Variants in AFF3 observed in about 807,000 individuals in gnomAD.
AFF3 encodes ALF transcription elongation factor 3, also known as AF4/FMR2 family member 3.
AFF3 carries 32 observed loss-of-function variants against 129.7 expected under a neutral mutation model. The ratio of observed to expected loss-of-function variants is 0.25; its 90% CI spans 0.19 to 0.33. The LOEUF is 0.33. Among genes scored for constraint, AFF3 ranks in the 10% least tolerant of loss-of-function variants. The probability of loss-of-function intolerance (pLI) is 1.00; values close to 1 mark genes in which losing one functional copy is unlikely to be tolerated. For missense variants in AFF3, 1,373 were observed against 1,592.0 expected (o/e 0.86, Z 2.34); for synonymous variants, 644 against 635.4 (o/e 1.01, Z -0.20).
At chr2:99,646,814 A>C (rs1331116757) in intron 13 of AFF3, among the ~76,000 whole-genome samples, 1 of 152,240 alleles carries the variant, frequency 6.6e-6, no homozygotes, top group South Asian at 2.1e-4. Flanking sequence ...CTACTTAAAA[A>C]CTAGAAAATA....
At chr2:99,620,194 G>T (rs1681855642) in intron 13 of AFF3, among the ~76,000 whole-genome samples, 1 of 152,210 alleles carries the variant, frequency 6.6e-6, no homozygotes, top group South Asian at 2.1e-4. Flanking sequence ...CTAGGAACCT[G>T]CACACCAGGG....
intron 18 of AFF3, among the ~76,000 whole-genome samples, chr2:99,571,914 T>C (rs1032576990): frequency 6.6e-5 from 10 of 152,210 alleles, no homozygotes; most frequent in African/African-American, 2.2e-4. Flanking sequence ...GTGACAGTTA[T>C]AGAATATAAT....
chr2:99,856,194 C>G (rs1690510573), intron 7 of AFF3, among the ~76,000 whole-genome samples: 1 of 152,098 alleles, frequency 6.6e-6, no homozygotes, highest in Non-Finnish European at 1.5e-5. Context: ...AAAATATTGA[C>G]TTTACTTAAT....
rs915981744 is a variant in AFF3 at position 99,568,625 on chromosome 2, A to G, written c.2982+227T>C. 5.2e-4 allele frequency among the ~76,000 whole-genome samples: 79 copies of G among 152,230 alleles called. 1 individual carries two copies. Among genetic ancestry groups the G allele is most frequent in the Non-Finnish European group, 7.8e-4 (53 of 68,030 alleles). On this transcript the variant is annotated intron_variant, in intron 19 of 24. Transcript: ENST00000672756. ...TAGTTACTATTCAAACCTTAGGACT[A>G]AATTGAAATATTCATTTGTCTAGGG... is the stretch of plus-strand genomic sequence containing the variant.
chr2:100,115,674 A>G (rs1053709609), intron 2 of AFF3, among the ~76,000 whole-genome samples: 1 of 152,132 alleles, frequency 6.6e-6, no homozygotes, highest in Non-Finnish European at 1.5e-5. Flanking sequence ...TACTGATATG[A>G]TGTCTGATGT....
intron 21 of AFF3, 101 bp downstream of exon 21, chr2:99,560,264 G>T: frequency 7.7e-7 from 1 of 1,297,448 alleles, no homozygotes; most frequent in Non-Finnish European, 1.1e-6. Flanking sequence ...GGCTTTGTAT[G>T]TTAGAAGACA....
At chr2:99,762,106 TTATA>T (rs1454108465) in intron 8 of AFF3, among the ~76,000 whole-genome samples, 1 of 151,510 alleles carries the variant, frequency 6.6e-6, no homozygotes, top group Non-Finnish European at 1.5e-5. Context: ...TACCCTCCAC[TTATA>T]TATAATCAAT....
At chr2:100,115,841 T>C (rs1214564684) in intron 2 of AFF3, among the ~76,000 whole-genome samples, 1 of 152,224 alleles carries the variant, frequency 6.6e-6, no homozygotes, top group East Asian at 1.9e-4. Context: ...AATTGAAGGG[T>C]ATTTTTGCCA....
intron 13 of AFF3, among the ~76,000 whole-genome samples, chr2:99,642,866 A>G (rs543245803): frequency 1.1e-4 from 17 of 152,224 alleles, no homozygotes; most frequent in African/African-American, 3.4e-4. Flanking sequence ...TCTATCTTTC[A>G]GGGTTGTTGT....
chr2:99,670,409 T>C (rs2104435751), intron 12 of AFF3, among the ~76,000 whole-genome samples: 1 of 152,294 alleles, frequency 6.6e-6, no homozygotes, highest in East Asian at 1.9e-4. Context: ...TACACTGTAG[T>C]GTTTACTGAG....
intron 2 of AFF3, among the ~76,000 whole-genome samples, chr2:100,117,273 A>G (rs1481613170): frequency 6.6e-6 from 1 of 152,152 alleles, no homozygotes; most frequent in Non-Finnish European, 1.5e-5. Flanking sequence ...TATGCATGCT[A>G]GAATTTTTAG....
intron 21 of AFF3, among the ~76,000 whole-genome samples, chr2:99,559,172 A>G (rs796660312): frequency 2.7e-4 from 41 of 152,392 alleles, no homozygotes; most frequent in African/African-American, 8.9e-4. Flanking sequence ...AAGGTATTCC[A>G]TAAATACATT....
chr2:99,993,790 A>ATT (rs1680576773), intron 7 of AFF3, among the ~76,000 whole-genome samples: 2 of 115,918 alleles, frequency 1.7e-5, no homozygotes, highest in African/African-American at 7.1e-5. Flanking sequence ...CAAACACTTT[A>ATT]TCTTTTTTTT....
intron 7 of AFF3, among the ~76,000 whole-genome samples, chr2:99,843,339 G>C (rs2105824965): frequency 6.6e-6 from 1 of 152,274 alleles, no homozygotes; most frequent in African/African-American, 2.4e-5. Flanking sequence ...GCTTCACTCT[G>C]CTCCCAATCC....
At chr2:99,709,455 C>A (rs2104854718) in intron 11 of AFF3, among the ~76,000 whole-genome samples, 1 of 152,142 alleles carries the variant, frequency 6.6e-6, no homozygotes, top group East Asian at 1.9e-4. Flanking sequence ...TGATCTAGCC[C>A]AAACTATCAA....
chr2:99,720,574 G>T (rs571706739), intron 11 of AFF3, among the ~76,000 whole-genome samples: 5 of 152,186 alleles, frequency 3.3e-5, no homozygotes, highest in Admixed American at 6.5e-5. Flanking sequence ...AACCACCCAG[G>T]ATCAGGTATT....
chr2:99,857,464 T>C (rs1247200188), intron 7 of AFF3, among the ~76,000 whole-genome samples: 1 of 152,244 alleles, frequency 6.6e-6, no homozygotes, highest in Non-Finnish European at 1.5e-5. Context: ...TACAGGGCTG[T>C]TTATTTCACT....
chr2:99,724,967 ATTTTTTTTCTT>A (rs1679239135), intron 11 of AFF3, among the ~76,000 whole-genome samples: 1 of 150,324 alleles, frequency 6.7e-6, no homozygotes, highest in Non-Finnish European at 1.5e-5. Context: ...CAACTTACCT[ATTTTTTTTCTT>A]TTTTTTTTCT....
chr2:100,079,947 T>C (rs1573365528), intron 4 of AFF3, among the ~76,000 whole-genome samples: 1 of 152,320 alleles, frequency 6.6e-6, no homozygotes, highest in Middle Eastern at 3.4e-3. Flanking sequence ...TTTTCCTTGC[T>C]CTTAACTCAC....
Sources: gnomAD v4.1 joint callset for allele counts (sites outside exome capture counted in the v4.1 genomes callset) on GRCh38, gnomAD v4.1.1 for gene constraint, MANE v1.5 for transcripts, NCBI Gene and HGNC (gene_info 2026-07-23, HGNC 2026-07-21) for gene names.